Variants in UMODL1 observed in about 807,000 individuals in gnomAD.
The protein encoded by UMODL1 is uromodulin-like 1.
In UMODL1, 128 loss-of-function variants were observed where a neutral mutation model predicts 136.3. The observed-to-expected ratio is 0.94, with a 90% CI of 0.81 to 1.09. The LOEUF (loss-of-function observed/expected upper bound fraction) is 1.09. UMODL1 is among the 50% of genes least tolerant of loss of function. The pLI is 0.00. For synonymous variants in UMODL1, 721 were observed against 720.0 expected, an observed-to-expected ratio of 1.00 and a Z score of -0.02; for missense variants, 1,766 against 1,725.6, an observed-to-expected ratio of 1.02 and a Z score of -0.41.
chr21:42,073,382 C>T (rs910492669), intron 1 of UMODL1, among the ~76,000 whole-genome samples: 11 of 152,196 alleles, frequency 7.2e-5, no homozygotes, highest in African/African-American at 2.7e-4. Flanking sequence ...CCACCCCGTA[C>T]GATGAGGACC....
intron 17 of UMODL1, among the ~76,000 whole-genome samples, chr21:42,125,154 G>A (rs2067035317): frequency 6.6e-6 from 1 of 152,180 alleles, no homozygotes; most frequent in Admixed American, 6.5e-5. Flanking sequence ...TCAATGTCTG[G>A]GAGCCGACAA....
chr21:42,092,407 A>G (rs1353266286), intron 6 of UMODL1, among the ~76,000 whole-genome samples: 2 of 149,904 alleles, frequency 1.3e-5, no homozygotes, highest in Non-Finnish European at 3.0e-5. Flanking sequence ...TTTTTTTTAA[A>G]CCTTATTTAA....
At position 42,139,335 on chromosome 21, in the gene UMODL1, G is replaced by A. The variant is rs114693229; in HGVS notation, c.*21+1694G>A. 8.4e-3 allele frequency among the ~76,000 whole-genome samples: 1,284 copies of A among 152,206 alleles called. 19 individuals are homozygous for A. Among genetic ancestry groups the A allele is most frequent in the African/African-American group, 0.028 (1,170 of 41,520 alleles). On this transcript the variant is annotated intron_variant, in intron 22 of 22. Coordinates refer to ENST00000408910, the MANE Select transcript of UMODL1 (RefSeq NM_001004416.3). ...AGGGGAAGCAGGCACGTCTTCCATG[G>A]CTGGAGCAGGAGGAAGGGGTTGGGG...
intron 15 of UMODL1, among the ~76,000 whole-genome samples, chr21:42,120,192 C>T (rs1337691322): frequency 1.3e-5 from 2 of 152,236 alleles, no homozygotes; most frequent in Non-Finnish European, 2.9e-5. Context: ...GACATGAATA[C>T]TGGTGAAAGT....
chr21:42,108,587 C>T, intron 9 of UMODL1: 1 of 346,174 alleles, frequency 2.9e-6, no homozygotes, highest in South Asian at 2.2e-5. Context: ...ACTTCTCTGG[C>T]ATGCCGGGTG....
chr21:42,127,269 C>A, intron 19 of UMODL1, 27 bp downstream of exon 19: 8 of 1,588,564 alleles, frequency 5.0e-6, no homozygotes, highest in Non-Finnish European at 6.9e-6. Context: ...CAGGCACCCC[C>A]ATCCAGCAAT....
intron 2 of UMODL1, among the ~76,000 whole-genome samples, chr21:42,079,397 C>T (rs973595116): frequency 4.6e-5 from 7 of 152,216 alleles, no homozygotes; most frequent in African/African-American, 9.7e-5. Flanking sequence ...CTCACCAGGG[C>T]GATGCCCTTG....
In UMODL1 at chr21:42,113,640, G is replaced by T; in HGVS notation, c.2172G>T (p.Glu724Asp). 6.2e-7 allele frequency: 1 copy of T among 1,614,104 alleles called. No individual in the cohort carries two copies. The highest frequency in any genetic ancestry group is 8.5e-7 in the Non-Finnish European group (1 of 1,180,030). The stretch of plus-strand genomic sequence containing the variant: ...GCACCGGCTTCCACCTGGCATGGGA[G>T]GCGGATCTTGCTATGGACTCCACCT... The part of the protein sequence containing the change: ...VTSTGFHLAW[E>D]ADLAMDSTFQ... Residue 724 changes from glutamate (E) to aspartate (D), a missense_variant, in exon 13 of 23, where the codon GAG becomes GAT. Glu to Asp is a conservative substitution (Grantham distance 45). Coordinates refer to ENST00000408910, the MANE Select transcript of UMODL1 (RefSeq NM_001004416.3).
chr21:42,063,956 A>C (rs894100043), intron 1 of UMODL1, among the ~76,000 whole-genome samples: 1 of 152,200 alleles, frequency 6.6e-6, no homozygotes, highest in African/African-American at 2.4e-5. Flanking sequence ...ATTTGGGGTG[A>C]AAAACAAGAG....
At chr21:42,070,637 G>A (rs1156866260), upstream of UMODL1, among the ~76,000 whole-genome samples, 5 of 152,284 alleles carry the variant, frequency 3.3e-5, no homozygotes, top group Non-Finnish European at 1.5e-5. Context: ...GCATTTCAAC[G>A]CCCGTGTAAT....
chr21:42,109,855 GAAGA>G (rs982292178), intron 10 of UMODL1, among the ~76,000 whole-genome samples, 156 bp downstream of exon 10: 7 of 152,230 alleles, frequency 4.6e-5, no homozygotes, highest in Non-Finnish European at 1.0e-4. Flanking sequence ...TTTAAAATCA[GAAGA>G]AAGAAATTAA....
intron 1 of UMODL1, among the ~76,000 whole-genome samples, chr21:42,064,378 T>G (rs1423860454): frequency 6.6e-6 from 1 of 152,086 alleles, no homozygotes; most frequent in Non-Finnish European, 1.5e-5. Context: ...GCCTTTGGAC[T>G]TGAACTGAAA....
intron 9 of UMODL1, among the ~76,000 whole-genome samples, chr21:42,107,070 G>A (rs1993363): frequency 2.6e-5 from 4 of 151,930 alleles, no homozygotes; most frequent in Admixed American, 6.5e-5. Flanking sequence ...TGGTCCTTCC[G>A]CCTCACGGGG....
chr21:42,080,111 G>C (rs905645725), intron 2 of UMODL1, among the ~76,000 whole-genome samples: 6 of 152,308 alleles, frequency 3.9e-5, no homozygotes, highest in African/African-American at 1.4e-4. Flanking sequence ...TTACACCCCG[G>C]ATTTTGGCAG....
chr21:42,122,787 A>C lies in UMODL1; in HGVS notation c.2828-44A>C. 1.3e-6 allele frequency: 2 copies of C among 1,539,982 alleles called. No individual in the cohort carries two copies. The highest frequency in any genetic ancestry group is 1.8e-6 in the Non-Finnish European group (2 of 1,142,206). Reference sequence around the variant, plus strand: ...ACCCCTGCCCCTCCATGCCAACCCCAAACACAGAGCCACTCTTTGCCTTTT... The same window carrying C: ...ACCCCTGCCCCTCCATGCCAACCCCCAACACAGAGCCACTCTTTGCCTTTT... On this transcript the variant is annotated intron_variant, in intron 16 of 22. Transcript: ENST00000408910. The surrounding 1 kb of genome is among the most constrained non-coding windows in gnomAD (Gnocchi z 4.3).
chr21:42,083,122 G>A, intron 2 of UMODL1, among the ~76,000 whole-genome samples: 1 of 152,212 alleles, frequency 6.6e-6, no homozygotes, highest in East Asian at 1.9e-4. Flanking sequence ...GGGCTGGGGA[G>A]CTGTGCAGCC....
chr21:42,140,763 C>T (rs2067271166), intron 22 of UMODL1, among the ~76,000 whole-genome samples: 1 of 152,192 alleles, frequency 6.6e-6, no homozygotes, highest in Non-Finnish European at 1.5e-5. Context: ...GAGGCAGGTG[C>T]TGCTGCTCAA....
At position 42,126,347 on chromosome 21, in the gene UMODL1, C is replaced by T. The variant is rs774653950; in HGVS notation, c.3150C>T (p.Asn1050=). The change falls in exon 18 of 23, where the codon AAC becomes AAT. Residue 1050 remains asparagine, a splice_region_variant and synonymous_variant. Coordinates refer to ENST00000408910, the MANE Select transcript of UMODL1 (RefSeq NM_001004416.3). ...WSECGTLMQS[N]MTNTVVRTTL... is the part of the protein sequence containing the mutation. The stretch of plus-strand genomic sequence containing the variant: ...CTCATGCTCCGCTTTGTGCTCAGAA[C>T]ATGACGAACACCGTGGTGAGGACCA... The T allele has an allele frequency of 1.9e-6, 3 of 1,614,124 alleles. No individual in the cohort carries two copies. Among genetic ancestry groups the T allele is most frequent in the Non-Finnish European group, 1.7e-6 (2 of 1,180,024 alleles).
chr21:42,128,490 T>C (rs2067091957), intron 20 of UMODL1, among the ~76,000 whole-genome samples: 1 of 142,036 alleles, frequency 7.0e-6, no homozygotes, highest in African/African-American at 2.8e-5. Flanking sequence ...TGCTTGTTCC[T>C]GCTCTCATCT....
Sources: gnomAD v4.1 joint callset for allele counts (sites outside exome capture counted in the v4.1 genomes callset) on GRCh38, gnomAD v4.1.1 for gene constraint, Gnocchi (gnomAD v3.1) non-coding constraint, MANE v1.5 for transcripts, NCBI Gene and HGNC (gene_info 2026-07-23, HGNC 2026-07-21) for gene names.